The following PNLDC1 variants were observed in gnomAD, a reference collection of about 807,000 sequenced individuals.
PNLDC1 encodes PARN like ribonuclease domain containing exonuclease 1, also known as poly(A)-specific ribonuclease PNLDC1.
In PNLDC1, 70 loss-of-function variants were observed where a neutral mutation model predicts 82.0. The observed-to-expected ratio is 0.85, with a 90% CI of 0.70 to 1.04. The LOEUF (loss-of-function observed/expected upper bound fraction) is 1.04, where lower values mean the gene tolerates loss of function less well. Among genes scored for constraint, PNLDC1 ranks in the 50% least tolerant of loss-of-function variants. The pLI is 0.00. For missense variants in PNLDC1, 631 were observed against 661.1 expected (o/e 0.95, Z 0.50); for synonymous variants, 280 against 249.3 (o/e 1.12, Z -1.16).
chr6:159,814,608 G>A (rs1035686939), intron 12 of PNLDC1, among the ~76,000 whole-genome samples: 1 of 152,182 alleles, frequency 6.6e-6, no homozygotes, highest in East Asian at 1.9e-4. Context: ...GATGGTACCA[G>A]GCATGATACT....
At chr6:159,818,004 G>A (rs1484928932) in intron 15 of PNLDC1, among the ~76,000 whole-genome samples, 1 of 152,242 alleles carries the variant, frequency 6.6e-6, no homozygotes, top group Admixed American at 6.5e-5. Flanking sequence ...CAGTGAAGGA[G>A]CTAGCAGTGG....
intron 6 of PNLDC1, 33 bp from the exon 7 acceptor site, chr6:159,805,950 C>G (rs751251555): frequency 4.6e-6 from 7 of 1,535,256 alleles, no homozygotes; most frequent in South Asian, 1.1e-5. Flanking sequence ...GTGTTTTTCT[C>G]TGACATGTTC....
chr6:159,815,653 TCCGTAGTCG>T (rs2115055043), intron 12 of PNLDC1, among the ~76,000 whole-genome samples: 1 of 152,242 alleles, frequency 6.6e-6, no homozygotes, highest in South Asian at 2.1e-4. Flanking sequence ...CATAATTGTC[TCCGTAGTCG>T]CTAGACAGGC....
chr6:159,803,489 C>T, intron 4 of PNLDC1, 179 bp downstream of exon 4: 1 of 619,958 alleles, frequency 1.6e-6, no homozygotes, highest in Non-Finnish European at 2.8e-6. Context: ...TTTGATGTCT[C>T]TCTGGAAGCA....
rs372837143 is a variant in PNLDC1, at chr6:159,819,156, G to T, written c.1433+35G>T. ...TCTAAGTCCGCGTCCCCCACCCCTC[G>T]TGCGTTCATCCCTGTATCTCTCTGA... On this transcript the variant is annotated intron_variant, in intron 17 of 18. Transcript: ENST00000392167. The surrounding 1 kb of genome is among the most constrained non-coding windows in gnomAD (Gnocchi z 4.6). The T allele has an allele frequency of 6.2e-7, 1 of 1,610,462 alleles. No individual in the cohort carries two copies. Among genetic ancestry groups the T allele is most frequent in the East Asian group, 2.2e-5 (1 of 44,838 alleles).
intron 1 of PNLDC1, 152 bp from the exon 2 acceptor site, chr6:159,800,620 G>T: frequency 6.3e-7 from 1 of 1,589,318 alleles, no homozygotes; most frequent in Non-Finnish European, 8.6e-7. Flanking sequence ...GCTGCTCCTT[G>T]CCTTGGTTCC....
chr6:159,813,119 C>G (rs901205879), intron 11 of PNLDC1, among the ~76,000 whole-genome samples: 1 of 152,198 alleles, frequency 6.6e-6, no homozygotes, highest in African/African-American at 2.4e-5. Context: ...AATTATCCAG[C>G]AAGGATGCCG....
intron 10 of PNLDC1, among the ~76,000 whole-genome samples, chr6:159,810,874 G>A (rs1455947978): frequency 6.6e-6 from 1 of 152,228 alleles, no homozygotes; most frequent in African/African-American, 2.4e-5. Flanking sequence ...TGGAGAATTA[G>A]CAGTGAAATT....
chr6:159,804,077 A>G lies in PNLDC1; in HGVS notation c.361A>G (p.Asn121Asp), dbSNP rs1481412696. Residue 121 changes from asparagine to aspartate, a missense_variant, in exon 5 of 19, where the codon AAC becomes GAC. Coordinates refer to ENST00000392167, the MANE Select transcript of PNLDC1 (RefSeq NM_001271862.2). ...SVQFLNQYGFNYNKFLKNGIP... is the reference protein window; with the variant it reads ...SVQFLNQYGFDYNKFLKNGIP... ...TCAGTTTTTGAATCAGTATGGCTTC[A>G]ACTATAACAAGGTATGGCATTGGAG... 1 of 1,613,576 alleles carries G rather than the reference A, an allele frequency of 6.2e-7. No homozygotes were observed. Among genetic ancestry groups the G allele is most frequent in the Non-Finnish European group, 8.5e-7 (1 of 1,179,896 alleles).
Position 159,820,678 on chromosome 6 carries a change from A to G in PNLDC1, c.*161A>G. On this transcript the variant is annotated 3_prime_UTR_variant, in exon 19 of 19. Coordinates refer to ENST00000392167, the MANE Select transcript of PNLDC1 (RefSeq NM_001271862.2). ...ACGTGAAATTCTGTCAACACTCTCA[A>G]TGATAAATCAGTCCTTAGATATCGT... 1.5e-6 allele frequency: 1 copy of G among 669,644 alleles called. No homozygotes were observed. 41.5% of individuals were successfully genotyped at this position (669,644 alleles called of 1,614,324 possible).
chr6:159,803,387 A>G, intron 4 of PNLDC1, 77 bp downstream of exon 4: 2 of 1,371,318 alleles, frequency 1.5e-6, no homozygotes, highest in Non-Finnish European at 2.1e-6. Flanking sequence ...ATTCTGCCTC[A>G]GGTGCCCCGA....
At chr6:159,807,213 T>TG (rs759835735) in intron 7 of PNLDC1, among the ~76,000 whole-genome samples, 4 of 152,178 alleles carry the variant, frequency 2.6e-5, no homozygotes, top group Admixed American at 6.5e-5. Context: ...TCATTTTTAC[T>TG]GGAAAGAACT....
At chr6:159,803,683 C>G (rs988908409) in intron 4 of PNLDC1, among the ~76,000 whole-genome samples, 1 of 152,170 alleles carries the variant, frequency 6.6e-6, no homozygotes, top group Non-Finnish European at 1.5e-5. Flanking sequence ...TCCCCACCCC[C>G]CATGAGCAGT....
In PNLDC1 at chr6:159,804,569, A is replaced by T. The variant is rs778818070; in HGVS notation, c.393A>T (p.Pro131=). 1 of 1,606,134 alleles carries T rather than the reference A, an allele frequency of 6.2e-7. No homozygotes were observed. Among genetic ancestry groups the T allele is most frequent in the South Asian group, 1.1e-5 (1 of 90,892 alleles). Residue 131 remains proline (P), a synonymous_variant, in exon 6 of 19, where the codon CCA becomes CCT. Coordinates refer to ENST00000392167, the MANE Select transcript of PNLDC1 (RefSeq NM_001271862.2). ...NYNKFLKNGI[P]YMNEEQEKKI... is the part of the protein sequence containing the mutation. ...TTAAGTTTCTCAAAAACGGAATCCC[A>T]TATATGAATGAAGAACAGGAGAAGA...
At chr6:159,808,874 G>T in intron 8 of PNLDC1, 58 bp downstream of exon 8, 1 of 1,599,170 alleles carries the variant, frequency 6.3e-7, no homozygotes, top group Non-Finnish European at 8.6e-7. Context: ...CTCATAATTG[G>T]CCAAATCTGG....
chr6:159,809,223 A>G, intron 9 of PNLDC1, 65 bp downstream of exon 9: 2 of 1,557,544 alleles, frequency 1.3e-6, no homozygotes, highest in South Asian at 2.4e-5. Flanking sequence ...CATAGATACT[A>G]AAGGCTCCTT....
At chr6:159,803,183 A>G (rs1781324693) in intron 3 of PNLDC1, 88 bp from the exon 4 acceptor site, 1 of 1,277,350 alleles carries the variant, frequency 7.8e-7, no homozygotes, top group East Asian at 2.3e-5. Flanking sequence ...CTGTGGGCGC[A>G]AAGTACTGTT....
At chr6:159,802,943 T>G (rs1302950574) in intron 3 of PNLDC1, among the ~76,000 whole-genome samples, 3 of 152,116 alleles carry the variant, frequency 2.0e-5, no homozygotes, top group Non-Finnish European at 2.9e-5. Flanking sequence ...GGAATAGACA[T>G]TTTAAATGAG....
chr6:159,811,889 GTTTTGTTTTGT>G (rs778692002), intron 11 of PNLDC1, 103 bp downstream of exon 11: 64 of 650,658 alleles, frequency 9.8e-5, no homozygotes, highest in Middle Eastern at 3.2e-4. Context: ...TGTTTTTTTT[GTTTTGTTTTGT>G]TTTGTTTTGT....
Sources: allele counts gnomAD v4.1 joint callset (sites outside exome capture counted in the v4.1 genomes callset), GRCh38; gene constraint gnomAD v4.1.1; non-coding constraint Gnocchi (gnomAD v3.1); transcripts MANE v1.5; gene names NCBI Gene and HGNC (gene_info 2026-07-23, HGNC 2026-07-21).